The following ARSL variants were observed in gnomAD, a reference collection of about 807,000 sequenced individuals.
The protein encoded by ARSL is arylsulfatase E (chondrodysplasia punctata 1).
A neutral mutation model predicts 31.1 loss-of-function variants in ARSL; 4 were observed. The observed-to-expected ratio is 0.13, with a 90% CI of 0.06 to 0.29. The LOEUF (loss-of-function observed/expected upper bound fraction) is 0.29. Ranked by LOEUF, ARSL falls within the 10% of genes least tolerant of loss-of-function variation. The probability of loss-of-function intolerance (pLI) is 1.00; values close to 1 mark genes in which losing one functional copy is unlikely to be tolerated. For missense variants in ARSL, 312 were observed against 497.8 expected, an observed-to-expected ratio of 0.63 and a Z score of 3.55; for synonymous variants, 198 against 209.9, an observed-to-expected ratio of 0.94 and a Z score of 0.49.
At chrX:2,963,287 A>G (rs1322998116) in intron 1 of ARSL, among the ~76,000 whole-genome samples, 9 of 111,635 alleles carry the variant, frequency 8.1e-5, no homozygotes, top group African/African-American at 2.9e-4. Context: ...TTAAAATTGT[A>G]CATGGAGAGA....
chrX:2,958,169 G>T (rs751739610), intron 3 of ARSL, 105 bp downstream of exon 3: 165 of 1,062,492 alleles, frequency 1.6e-4, no homozygotes, highest in Non-Finnish European at 2.1e-4. Context: ...CAGAACTCTT[G>T]AAGTGTGAAC....
intron 8 of ARSL, among the ~76,000 whole-genome samples, chrX:2,941,014 C>A (rs1353080942): frequency 1.8e-5 from 2 of 110,873 alleles, no homozygotes; most frequent in African/African-American, 3.3e-5. Context: ...ATTCTAAGGA[C>A]CCCCAACCAT....
At chrX:2,955,044 G>A (rs981531099) in intron 4 of ARSL, among the ~76,000 whole-genome samples, 4 of 111,559 alleles carry the variant, frequency 3.6e-5, no homozygotes, top group African/African-American at 1.3e-4. Flanking sequence ...GTGATGGTTG[G>A]GGGTGTGGGC....
At chrX:2,939,549 G>A (rs192273631) in intron 8 of ARSL, among the ~76,000 whole-genome samples, 74 of 112,013 alleles carry the variant, frequency 6.6e-4, no homozygotes, top group East Asian at 3.9e-3. Flanking sequence ...GTTGTGGGAA[G>A]GCATTAGTGG....
chrX:2,960,334 G>T, intron 2 of ARSL, 44 bp downstream of exon 2: 17 of 505,727 alleles, frequency 3.4e-5, no homozygotes, highest in Non-Finnish European at 5.0e-5. Context: ...AAGAAAGAAA[G>T]AAAGAAAGGA....
chrX:2,944,947 G>T (rs781091807), intron 7 of ARSL, among the ~76,000 whole-genome samples: 6 of 109,923 alleles, frequency 5.5e-5, no homozygotes, highest in Admixed American at 2.0e-4. Context: ...AGAAGAAGAG[G>T]AAGAAGTGGA....
Position 2,936,837 on chromosome X carries a change from G to A in ARSL, c.1316C>T (p.Pro439Leu), listed in dbSNP as rs781547939. Residue 439 changes from proline (P) to leucine (L), a missense_variant, in exon 10 of 11, where the codon CCC becomes CTC. Transcript: ENST00000381134. ...DRVIDGQDLL[P>L]LLLGTAQHSD... ...GTGTTGGGCTGTCCCCAGGAGCAAG[G>A]GCAGAAGGTCTTGGCCGTCAATCAC... 1.7e-6 allele frequency: 2 copies of A among 1,211,745 alleles called. No individual in the cohort carries two copies. Among genetic ancestry groups the A allele is most frequent in the Non-Finnish European group, 2.2e-6 (2 of 895,511 alleles).
At chrX:2,963,069 GA>G (rs1187301312) in intron 1 of ARSL, among the ~76,000 whole-genome samples, 1 of 112,073 alleles carries the variant, frequency 8.9e-6, no homozygotes, top group South Asian at 3.7e-4. Flanking sequence ...CTGTCGAAGA[GA>G]AAAAGACCTT....
At position 2,949,453 on chromosome X, in the gene ARSL, G is replaced by A. The variant is rs2089431468; in HGVS notation, c.705C>T (p.Val235=). The change falls in exon 6 of 11, where the codon GTC becomes GTT. Residue 235 remains valine, a synonymous_variant. Transcript: ENST00000381134. ...CAAAATAGGAGCTTGCGAGGAGGAG[G>A]ACGGCCGAAAGGGCTGACCAGATGA... ...MPVIWSALSA[V]LLLASSYFVG... 4 of 1,209,109 alleles carry A rather than the reference G, an allele frequency of 3.3e-6. No individual in the cohort carries two copies. Among genetic ancestry groups the A allele is most frequent in the Non-Finnish European group, 4.5e-6 (4 of 895,129 alleles).
At chrX:2,966,367 G>A (rs578170596), upstream of ARSL, among the ~76,000 whole-genome samples, 29 of 110,637 alleles carry the variant, frequency 2.6e-4, no homozygotes, top group Middle Eastern at 4.8e-3. Context: ...TCATTTCCTC[G>A]TAGGGGGCCT....
intron 1 of ARSL, among the ~76,000 whole-genome samples, chrX:2,962,457 C>T (rs1603462538): frequency 9.0e-6 from 1 of 110,983 alleles, no homozygotes; most frequent in African/African-American, 3.3e-5. Flanking sequence ...CCAGCAGGCA[C>T]TGAGAGCCTA....
chrX:2,959,933 A>AAGAG (rs377421279), intron 2 of ARSL: 4 of 248,750 alleles, frequency 1.6e-5, no homozygotes, highest in Admixed American at 1.3e-4. Flanking sequence ...GGAAGGAAGA[A>AAGAG]AGAGAGAGAG....
At chrX:2,937,571 A>G (rs2089220686) in intron 9 of ARSL, among the ~76,000 whole-genome samples, 1 of 110,679 alleles carries the variant, frequency 9.0e-6, no homozygotes, top group Non-Finnish European at 1.9e-5. Context: ...GGGGATCTGA[A>G]GGAACTCCCC....
At position 2,960,472 on chromosome X, in the gene ARSL, A is replaced by G; in HGVS notation, c.-20-52T>C. 3.4e-6 allele frequency: 4 copies of G among 1,161,342 alleles called. No individual in the cohort carries two copies. In the South Asian group the frequency reaches 5.6e-5, roughly 16 times the overall value. Reference sequence around the variant, plus strand: ...CACATTGACAGCAGAAATTGACCTGATTATAAATAAAACAGTAAGTAAGTA... The same window carrying G: ...CACATTGACAGCAGAAATTGACCTGGTTATAAATAAAACAGTAAGTAAGTA... On this transcript the variant is annotated intron_variant, in intron 1 of 10. Transcript: ENST00000381134.
rs1448751737 is a variant in ARSL, at chrX:2,948,784, C to A, written c.854+520G>T. On this transcript the variant is annotated intron_variant, in intron 6 of 10. Transcript: ENST00000381134. The stretch of plus-strand genomic sequence containing the variant: ...GGGATAACAGGTGTGTACCACTATG[C>A]CCAGCTCAGCTGTAACAATGTTTTA... Among the ~76,000 whole-genome samples the A allele has an allele frequency of 5.4e-5, 6 of 110,437 alleles. No individual in the cohort carries two copies. The Admixed American group carries it at 5.8e-4, about 11-fold the overall frequency.
intron 2 of ARSL, among the ~76,000 whole-genome samples, chrX:2,960,154 A>G (rs779266665): frequency 1.2e-5 from 1 of 85,146 alleles, no homozygotes; most frequent in Non-Finnish European, 2.4e-5. Flanking sequence ...CTGTAGTCCC[A>G]GCTACTCGGG....
At chrX:2,937,375 CTGAG>C (rs2089217298) in intron 9 of ARSL, among the ~76,000 whole-genome samples, 1 of 104,390 alleles carries the variant, frequency 9.6e-6, no homozygotes, top group Non-Finnish European at 1.9e-5. Flanking sequence ...GCCTGGGCAA[CTGAG>C]TGAGACTCAG....
At chrX:2,942,919 T>G in intron 8 of ARSL, 146 bp downstream of exon 8, 1 of 830,868 alleles carries the variant, frequency 1.2e-6, no homozygotes, top group South Asian at 2.2e-5. Flanking sequence ...AACTGGAGTA[T>G]GTCAAATTAC....
intron 8 of ARSL, among the ~76,000 whole-genome samples, chrX:2,940,289 A>T (rs2089264337): frequency 8.9e-6 from 1 of 111,806 alleles, no homozygotes; most frequent in Non-Finnish European, 1.9e-5. Context: ...CAGAGGCATC[A>T]TGCTAAGTAA....
Sources: allele counts gnomAD v4.1 joint callset (sites outside exome capture counted in the v4.1 genomes callset), GRCh38; gene constraint gnomAD v4.1.1; transcripts MANE v1.5; gene names NCBI Gene and HGNC (gene_info 2026-07-23, HGNC 2026-07-21).